Variants in ATXN8OS observed in about 807,000 individuals in gnomAD.
The protein encoded by ATXN8OS is ATXN8 opposite strand lncRNA.
At chr13:70,115,291 C>T (rs938110209) in exon 2 of ATXN8OS, 3 of 398,044 alleles carry the variant, frequency 7.5e-6, no homozygotes, top group Non-Finnish European at 1.3e-5. Flanking sequence ...GAGACAGAAC[C>T]TACTCCTGTA....
chr13:70,152,640 C>G (rs981997204), intron 4 of ATXN8OS, among the ~76,000 whole-genome samples: 6 of 151,812 alleles, frequency 4.0e-5, no homozygotes, highest in African/African-American at 4.8e-5. Flanking sequence ...AGGAGATGAT[C>G]AATAAATGTC....
chr13:70,132,131 T>C (rs929688801), intron 3 of ATXN8OS, among the ~76,000 whole-genome samples: 3 of 152,102 alleles, frequency 2.0e-5, no homozygotes, highest in African/African-American at 7.2e-5. Flanking sequence ...CTTAGGGACA[T>C]TATTTACTTA....
intron 3 of ATXN8OS, among the ~76,000 whole-genome samples, chr13:70,145,902 A>G (rs1476986345): frequency 4.6e-5 from 7 of 150,608 alleles, no homozygotes; most frequent in Admixed American, 1.3e-4. Flanking sequence ...AAAAGCCAAA[A>G]TTGACAAATG....
At chr13:70,125,888 A>G (rs1312265305) in intron 2 of ATXN8OS, among the ~76,000 whole-genome samples, 1 of 152,034 alleles carries the variant, frequency 6.6e-6, no homozygotes, top group South Asian at 2.1e-4. Context: ...CTTACTCCCA[A>G]ACCCCACCAC....
At chr13:70,160,924 A>G (rs1056137046) in intron 4 of ATXN8OS, among the ~76,000 whole-genome samples, 16 of 150,396 alleles carry the variant, frequency 1.1e-4, no homozygotes, top group Non-Finnish European at 1.9e-4. Context: ...ACATAGTGAA[A>G]TAATCTTAAC....
intron 2 of ATXN8OS, among the ~76,000 whole-genome samples, chr13:70,119,116 T>C (rs1426093328): frequency 1.3e-5 from 2 of 152,072 alleles, no homozygotes; most frequent in South Asian, 2.1e-4. Flanking sequence ...AAAAGAAGGA[T>C]TGTAAAGTCT....
intron 3 of ATXN8OS, chr13:70,139,383 A>ACTACTACTACTACTACTACTG: frequency 7.0e-5 from 32 of 458,348 alleles, no homozygotes; most frequent in Middle Eastern, 5.5e-4. Flanking sequence ...TACTACTACT[A>ACTACTACTACTACTACTACTG]CTGCTGCTGC....
chr13:70,153,276 A>G lies in ATXN8OS; in HGVS notation n.573+5848A>G, dbSNP rs867854328. On this transcript the variant is annotated intron_variant and non_coding_transcript_variant, in intron 4 of 4. Transcript: ENST00000678624. ...CAAAAGGGAGATAAAACTTGACATC[A>G]TATTGAAAACGATCCTGTCTGGGTG... Among the ~76,000 whole-genome samples, 7 of 152,232 alleles carry G rather than the reference A, an allele frequency of 4.6e-5. No individual in the cohort carries two copies. In the Middle Eastern group the frequency reaches 0.014, roughly 296 times the overall value.
intron 4 of ATXN8OS, among the ~76,000 whole-genome samples, chr13:70,154,385 T>A (rs1888910803): frequency 6.6e-6 from 1 of 152,192 alleles, no homozygotes; most frequent in Non-Finnish European, 1.5e-5. Context: ...GGCTGCTACT[T>A]CTTTCTTTCT....
chr13:70,107,582 G>C (rs778272080), upstream of ATXN8OS: 3 of 1,603,630 alleles, frequency 1.9e-6, no homozygotes, highest in South Asian at 3.4e-5. Context: ...CTGCCGTCCT[G>C]TTGCAGGCAG....
intron 1 of ATXN8OS, among the ~76,000 whole-genome samples, chr13:70,112,211 CT>C (rs1566587364): frequency 1.3e-5 from 2 of 152,118 alleles, no homozygotes; most frequent in African/African-American, 4.8e-5. Context: ...GACGCCCACC[CT>C]TATGATTCCA....
intron 2 of ATXN8OS, among the ~76,000 whole-genome samples, chr13:70,117,801 A>T (rs975804032): frequency 2.0e-5 from 3 of 152,118 alleles, no homozygotes; most frequent in African/African-American, 7.2e-5. Flanking sequence ...GTAAAGGTAG[A>T]TATTGATGTT....
At position 70,148,341 on chromosome 13, in the gene ATXN8OS, A is replaced by G. The variant is rs150560181; in HGVS notation, n.573+913A>G. Among the ~76,000 whole-genome samples, 1,338 of 152,278 alleles carry G rather than the reference A, an allele frequency of 8.8e-3. 20 individuals carry two copies. Among genetic ancestry groups the G allele is most frequent in the African/African-American group, 0.031 (1,272 of 41,568 alleles). On this transcript the variant is annotated intron_variant and non_coding_transcript_variant, in intron 4 of 4. Transcript: ENST00000678624. The stretch of plus-strand genomic sequence containing the variant: ...TGATTTCCTTTAGGGCCTGTTATCC[A>G]TCAAGAGTCGGGTTGGACTTGGCAT...
intron 2 of ATXN8OS, among the ~76,000 whole-genome samples, chr13:70,118,331 C>A (rs1399878865): frequency 6.6e-6 from 1 of 151,932 alleles, no homozygotes; most frequent in African/African-American, 2.4e-5. Context: ...ATAAATTTTA[C>A]TAGGAAAACT....
chr13:70,162,334 C>A (rs1441863143), intron 4 of ATXN8OS, among the ~76,000 whole-genome samples: 1 of 152,092 alleles, frequency 6.6e-6, no homozygotes, highest in Non-Finnish European at 1.5e-5. Flanking sequence ...GTCATCACTC[C>A]TAGGACTGAA....
At chr13:70,121,297 G>A (rs1355016038) in intron 2 of ATXN8OS, among the ~76,000 whole-genome samples, 1 of 152,124 alleles carries the variant, frequency 6.6e-6, no homozygotes, top group Admixed American at 6.6e-5. Context: ...GATATCAAAG[G>A]AACATAAAGA....
intron 3 of ATXN8OS, among the ~76,000 whole-genome samples, chr13:70,144,286 C>T (rs302012): frequency 0.86 from 130,761 of 152,098 alleles, 56,326 homozygotes; most frequent in East Asian, 1. Context: ...TTTCATAGGT[C>T]ACCTGGAAAT....
chr13:70,143,108 TACAG>T (rs144391388), intron 3 of ATXN8OS, among the ~76,000 whole-genome samples: 9,738 of 152,002 alleles, frequency 0.064, 499 homozygotes, highest in East Asian at 0.28. Context: ...CATTTACAAA[TACAG>T]AATGTTCATG....
chr13:70,138,036 A>G (rs1888642209), intron 3 of ATXN8OS, among the ~76,000 whole-genome samples: 1 of 152,220 alleles, frequency 6.6e-6, no homozygotes, highest in Non-Finnish European at 1.5e-5. Flanking sequence ...ACTTATTATC[A>G]CGAGAACAAC....
Sources: allele counts gnomAD v4.1 joint callset (sites outside exome capture counted in the v4.1 genomes callset), GRCh38; gene constraint gnomAD v4.1.1; transcripts MANE v1.5; gene names NCBI Gene and HGNC (gene_info 2026-07-23, HGNC 2026-07-21).